DTWD2: variants seen among roughly 807,000 people sequenced by gnomAD.
DTWD2 encodes the protein tRNA-uridine aminocarboxypropyltransferase 2.
In DTWD2, 39 loss-of-function variants were observed where a neutral mutation model predicts 31.8. The observed-to-expected ratio is 1.22, with a 90% CI of 0.95 to 1.60. DTWD2 has a LOEUF of 1.60. Ranked by LOEUF, DTWD2 falls within the 40% of genes most tolerant of loss-of-function variation. The pLI is 0.00. For missense variants in DTWD2, 515 were observed against 381.5 expected, an observed-to-expected ratio of 1.35 and a Z score of -2.92; for synonymous variants, 180 against 142.8, an observed-to-expected ratio of 1.26 and a Z score of -1.86.
At chr5:118,977,953 T>C (rs748929273) in intron 1 of DTWD2, among the ~76,000 whole-genome samples, 2 of 152,168 alleles carry the variant, frequency 1.3e-5, no homozygotes, top group East Asian at 1.9e-4. Flanking sequence ...CTTCAAACTA[T>C]ACTACAAGGC....
intron 4 of DTWD2, among the ~76,000 whole-genome samples, chr5:118,926,625 T>C (rs1753814256): frequency 6.6e-6 from 1 of 152,182 alleles, no homozygotes. Context: ...AAGAACACTT[T>C]AACCCAAAAT....
At chr5:118,874,325 T>C (rs1456463056) in intron 4 of DTWD2, among the ~76,000 whole-genome samples, 5 of 152,224 alleles carry the variant, frequency 3.3e-5, no homozygotes, top group Non-Finnish European at 5.9e-5. Flanking sequence ...CCACATCACC[T>C]TTCCAACAAT....
chr5:118,899,844 C>T (rs367891078), intron 4 of DTWD2, among the ~76,000 whole-genome samples: 5 of 148,326 alleles, frequency 3.4e-5, no homozygotes, highest in African/African-American at 1.0e-4. Context: ...CTCTGTTGCC[C>T]GGGCTGGAGT....
At chr5:118,931,238 T>C (rs1753915952) in intron 3 of DTWD2, among the ~76,000 whole-genome samples, 1 of 151,450 alleles carries the variant, frequency 6.6e-6, no homozygotes, top group Admixed American at 6.6e-5. Context: ...TCCAAAAATG[T>C]TTAAAAATCA....
At chr5:118,971,140 T>C (rs928446884) in intron 1 of DTWD2, among the ~76,000 whole-genome samples, 6 of 152,112 alleles carry the variant, frequency 3.9e-5, no homozygotes, top group Admixed American at 1.3e-4. Context: ...ATAACAATAT[T>C]AACCTTAAGT....
At chr5:118,878,366 C>A (rs559299976) in intron 4 of DTWD2, among the ~76,000 whole-genome samples, 1 of 152,120 alleles carries the variant, frequency 6.6e-6, no homozygotes, top group Non-Finnish European at 1.5e-5. Context: ...CACACACTTA[C>A]AACTATCTGA....
intron 5 of DTWD2, among the ~76,000 whole-genome samples, chr5:118,843,934 C>G (rs1419707375): frequency 6.6e-6 from 1 of 152,196 alleles, no homozygotes; most frequent in Non-Finnish European, 1.5e-5. Context: ...GTGAGTACAA[C>G]TAATACGTGT....
intron 4 of DTWD2, among the ~76,000 whole-genome samples, chr5:118,901,118 T>A (rs969945415): frequency 6.6e-6 from 1 of 152,078 alleles, no homozygotes; most frequent in Admixed American, 6.5e-5. Context: ...TAATTACTTA[T>A]CATAAAGATT....
intron 5 of DTWD2, among the ~76,000 whole-genome samples, chr5:118,842,944 C>A (rs1010493445): frequency 2.8e-5 from 4 of 142,732 alleles, no homozygotes; most frequent in African/African-American, 5.2e-5. Context: ...GAGAAACTTT[C>A]TTCTTCCTCT....
intron 4 of DTWD2, among the ~76,000 whole-genome samples, chr5:118,857,625 G>A (rs1301769322): frequency 6.6e-6 from 1 of 152,094 alleles, no homozygotes; most frequent in African/African-American, 2.4e-5. Flanking sequence ...TGATTTTAAT[G>A]AAACATAATT....
At chr5:118,921,481 G>A (rs75768957) in intron 4 of DTWD2, among the ~76,000 whole-genome samples, 3,334 of 148,806 alleles carry the variant, frequency 0.022, 128 homozygotes, top group African/African-American at 0.078. Flanking sequence ...AATCACACCC[G>A]TGTACTCCAG....
In DTWD2 at chr5:118,914,153, T is replaced by C. The variant is rs537117104; in HGVS notation, c.597+14384A>G. Among the ~76,000 whole-genome samples, 8 of 152,300 alleles carry C rather than the reference T, an allele frequency of 5.3e-5. No individual in the cohort carries two copies. In the East Asian group the frequency reaches 7.7e-4, roughly 15 times the overall value. ...GTTTAAATGTGTCCCCTAGAATTCA[T>C]GTGTTGGAAACTTAATCTCCAATGT... On this transcript the variant is annotated intron_variant, in intron 4 of 5. Transcript: ENST00000510708.
At chr5:118,938,667 T>C (rs1054025157) in intron 3 of DTWD2, among the ~76,000 whole-genome samples, 2 of 151,966 alleles carry the variant, frequency 1.3e-5, no homozygotes, top group South Asian at 2.1e-4. Flanking sequence ...TGAGCCAAAA[T>C]TGCACCACTG....
At chr5:118,925,369 T>C (rs1007693041) in intron 4 of DTWD2, among the ~76,000 whole-genome samples, 5 of 152,170 alleles carry the variant, frequency 3.3e-5, no homozygotes, top group African/African-American at 9.7e-5. Flanking sequence ...TTTATAGTAA[T>C]AGAACATGAA....
intron 4 of DTWD2, among the ~76,000 whole-genome samples, chr5:118,888,614 A>C (rs547377858): frequency 1.3e-5 from 2 of 152,324 alleles, no homozygotes; most frequent in South Asian, 4.1e-4. Flanking sequence ...CTCTTGGTTA[A>C]ATATCTAGGA....
intron 4 of DTWD2, among the ~76,000 whole-genome samples, chr5:118,890,281 AC>A (rs1752949608): frequency 6.6e-6 from 1 of 152,222 alleles, no homozygotes; most frequent in South Asian, 2.1e-4. Flanking sequence ...ACATTTCATT[AC>A]ACTAGGTACA....
Position 118,949,975 on chromosome 5 carries a change from C to G in DTWD2, c.219-5326G>C, listed in dbSNP as rs192890781. 1.7e-3 allele frequency among the ~76,000 whole-genome samples: 258 copies of G among 152,190 alleles called. 1 individual carries two copies. Among genetic ancestry groups the G allele is most frequent in the Non-Finnish European group, 1.5e-3 (100 of 67,996 alleles). ...CCTGTAATCCCAGCACTTTGGGAGG[C>G]CAAGGCGGGCAGATCACGAGGTCAG... On this transcript the variant is annotated intron_variant, in intron 1 of 5. Transcript: ENST00000510708.
intron 4 of DTWD2, among the ~76,000 whole-genome samples, chr5:118,886,873 T>G (rs2149557784): frequency 6.6e-6 from 1 of 152,284 alleles, no homozygotes; most frequent in East Asian, 1.9e-4. Context: ...ATAATTTCAG[T>G]AAGAAAATGT....
intron 4 of DTWD2, among the ~76,000 whole-genome samples, chr5:118,881,339 T>C (rs549082097): frequency 2.6e-5 from 4 of 152,310 alleles, no homozygotes; most frequent in Admixed American, 2.0e-4. Context: ...AAAACCTTCA[T>C]TGCTAATTTC....
Sources: gnomAD v4.1 joint callset for allele counts (sites outside exome capture counted in the v4.1 genomes callset) on GRCh38, gnomAD v4.1.1 for gene constraint, MANE v1.5 for transcripts, NCBI Gene and HGNC (gene_info 2026-07-23, HGNC 2026-07-21) for gene names.